Variants in PPM1L observed in about 807,000 individuals in gnomAD.
The protein encoded by PPM1L is protein phosphatase, Mg2+/Mn2+ dependent 1L.
PPM1L carries 13 observed loss-of-function variants against 31.4 expected under a neutral mutation model. The observed-to-expected ratio is 0.41, with a 90% CI of 0.27 to 0.66. The LOEUF is 0.66. Among genes scored for constraint, PPM1L ranks in the 30% least tolerant of loss-of-function variants. The pLI, the probability that PPM1L is intolerant of heterozygous loss-of-function variation, is 0.29. For missense variants in PPM1L, 326 were observed against 453.7 expected, an observed-to-expected ratio of 0.72 and a Z score of 2.56; for synonymous variants, 184 against 175.4, an observed-to-expected ratio of 1.05 and a Z score of -0.39.
intron 1 of PPM1L, among the ~76,000 whole-genome samples, chr3:160,858,755 A>C (rs1711802288): frequency 6.6e-6 from 1 of 152,194 alleles, no homozygotes; most frequent in Admixed American, 6.5e-5. Context: ...TTACCTGTTT[A>C]AATTCTGAAT....
intron 1 of PPM1L, among the ~76,000 whole-genome samples, chr3:160,881,310 C>G (rs1712704000): frequency 6.6e-6 from 1 of 152,050 alleles, no homozygotes; most frequent in African/African-American, 2.4e-5. Flanking sequence ...AGGGACATTT[C>G]TTTTAAATGT....
intron 1 of PPM1L, chr3:160,870,554 G>A (rs1712266665): frequency 6.6e-6 from 1 of 152,150 alleles, no homozygotes; most frequent in Non-Finnish European, 1.5e-5. Context: ...GACACTTAAA[G>A]CAACATTGCT....
chr3:160,762,013 C>T (rs950131028), intron 1 of PPM1L, among the ~76,000 whole-genome samples: 2 of 152,318 alleles, frequency 1.3e-5, no homozygotes, highest in African/African-American at 4.8e-5. Flanking sequence ...ACAGCCAAAC[C>T]ATATCACCAT....
At chr3:160,915,815 T>C (rs1379318861) in intron 1 of PPM1L, among the ~76,000 whole-genome samples, 3 of 152,198 alleles carry the variant, frequency 2.0e-5, no homozygotes, top group Non-Finnish European at 4.4e-5. Context: ...GGGAAATGAT[T>C]CCCTATTTAA....
At chr3:160,926,726 G>T (rs752112633) in intron 1 of PPM1L, among the ~76,000 whole-genome samples, 7 of 152,162 alleles carry the variant, frequency 4.6e-5, no homozygotes, top group Non-Finnish European at 1.0e-4. Flanking sequence ...CTATGCCAGT[G>T]GTGGCTGTGG....
At chr3:160,842,002 G>C (rs1713895997) in intron 1 of PPM1L, among the ~76,000 whole-genome samples, 1 of 152,082 alleles carries the variant, frequency 6.6e-6, no homozygotes, top group South Asian at 2.1e-4. Context: ...AGAAAACTGA[G>C]GTCCTTACCC....
intron 1 of PPM1L, among the ~76,000 whole-genome samples, chr3:160,916,296 C>G (rs1714178398): frequency 6.6e-6 from 1 of 151,996 alleles, no homozygotes; most frequent in South Asian, 2.1e-4. Flanking sequence ...GCAGTGAAAA[C>G]ACACATGAAA....
intron 1 of PPM1L, among the ~76,000 whole-genome samples, chr3:160,801,108 G>T (rs995061413): frequency 3.4e-5 from 5 of 146,400 alleles, no homozygotes; most frequent in Non-Finnish European, 6.0e-5. Flanking sequence ...GAATGGTAAG[G>T]TTTACTAAAT....
At position 160,892,079 on chromosome 3, in the gene PPM1L, G is replaced by A. The variant is rs146261940; in HGVS notation, c.400-69657G>A. Among the ~76,000 whole-genome samples the A allele has an allele frequency of 1.8e-3, 279 of 152,248 alleles. 1 individual carries two copies. The highest frequency in any genetic ancestry group is 6.2e-3 in the African/African-American group (259 of 41,538). On this transcript the variant is annotated intron_variant, in intron 1 of 3. Transcript: ENST00000498165. ...GTTGATGGGTGCAGCAAACCACCAC[G>A]TCACATGTATACCTATGTAACAAAC...
chr3:160,767,257 A>G (rs1715127609), intron 1 of PPM1L, among the ~76,000 whole-genome samples: 1 of 148,986 alleles, frequency 6.7e-6, no homozygotes, highest in Admixed American at 6.7e-5. Context: ...TTTTTGATAT[A>G]GGATATTACT....
At position 161,003,718 on chromosome 3, in the gene PPM1L, A is replaced by G. The variant is rs1234471738; in HGVS notation, c.574+41808A>G. ...TCCTGAGAATTTGCTGAAGTTGCCT[A>G]TCAGCTTAAGGAGATTTTGGGCTGA... On this transcript the variant is annotated intron_variant, in intron 2 of 3. Transcript: ENST00000498165. Among the ~76,000 whole-genome samples, 4 of 152,222 alleles carry G rather than the reference A, an allele frequency of 2.6e-5. No homozygotes were observed. In the East Asian group the frequency reaches 7.7e-4, roughly 29 times the overall value.
chr3:160,995,933 T>C (rs762112908), intron 2 of PPM1L, among the ~76,000 whole-genome samples: 1 of 152,096 alleles, frequency 6.6e-6, no homozygotes, highest in Non-Finnish European at 1.5e-5. Flanking sequence ...GAGGGTAAGA[T>C]GTGAAATATT....
chr3:160,770,822 A>G (rs1715232383), intron 1 of PPM1L, among the ~76,000 whole-genome samples: 1 of 152,150 alleles, frequency 6.6e-6, no homozygotes, highest in South Asian at 2.1e-4. Flanking sequence ...TATTTTTTCT[A>G]GGATTTCCTG....
chr3:160,908,661 G>A (rs993590691), intron 1 of PPM1L, among the ~76,000 whole-genome samples: 7 of 152,084 alleles, frequency 4.6e-5, no homozygotes, highest in African/African-American at 7.2e-5. Flanking sequence ...AATAGTGTAG[G>A]CGTATGGTGA....
intron 1 of PPM1L, among the ~76,000 whole-genome samples, chr3:160,796,163 T>C (rs1175446787): frequency 6.6e-6 from 1 of 152,230 alleles, no homozygotes; most frequent in East Asian, 1.9e-4. Flanking sequence ...ATATGATGTC[T>C]GGTCAAATGC....
chr3:160,842,550 T>C (rs1303036863), intron 1 of PPM1L, among the ~76,000 whole-genome samples: 1 of 152,170 alleles, frequency 6.6e-6, no homozygotes, highest in East Asian at 1.9e-4. Context: ...GTGCCTTAGA[T>C]GGAAGATAAG....
rs533073172 is a variant in PPM1L at position 160,961,141 on chromosome 3, T to TTTTGTTTG, written c.400-571_400-564dup. ...GCATTTAAGTGGTGAAGAGGTTTGGTTTTGTTTGTTTGTTTGTTTGTTTGT... is the reference window on the plus strand; with the variant it reads ...GCATTTAAGTGGTGAAGAGGTTTGGTTTTGTTTGTTTGTTTGTTTGTTTGTTTGTTTGT... On this transcript the variant is annotated intron_variant, in intron 1 of 3. Transcript: ENST00000498165. Among the ~76,000 whole-genome samples the TTTTGTTTG allele has an allele frequency of 2.1e-3, 324 of 151,990 alleles. 1 individual carries two copies. Among genetic ancestry groups the TTTTGTTTG allele is most frequent in the African/African-American group, 7.3e-3 (304 of 41,470 alleles).
chr3:160,860,586 C>G (rs12494732), intron 1 of PPM1L, among the ~76,000 whole-genome samples: 1 of 151,988 alleles, frequency 6.6e-6, no homozygotes, highest in African/African-American at 2.4e-5. Flanking sequence ...AGCACTTAGA[C>G]AGTGGAATCC....
chr3:160,839,373 G>A (rs1208417129), intron 1 of PPM1L, among the ~76,000 whole-genome samples: 2 of 152,166 alleles, frequency 1.3e-5, no homozygotes, highest in African/African-American at 4.8e-5. Context: ...ATCTCTAGGA[G>A]TGGGTGGGGA....
Sources: allele counts gnomAD v4.1 joint callset (sites outside exome capture counted in the v4.1 genomes callset), GRCh38; gene constraint gnomAD v4.1.1; transcripts MANE v1.5; gene names NCBI Gene and HGNC (gene_info 2026-07-23, HGNC 2026-07-21).